The following TRDN variants were observed in gnomAD, a reference collection of about 807,000 sequenced individuals.
TRDN encodes the protein triadin.
TRDN carries 161 observed loss-of-function variants against 149.7 expected under a neutral mutation model. The observed-to-expected ratio is 1.08, with a 90% confidence interval of 0.95 to 1.23. The LOEUF (loss-of-function observed/expected upper bound fraction) is 1.23, where lower values mean the gene tolerates loss of function less well. Ranked by LOEUF, TRDN falls within the 50% of genes most tolerant of loss-of-function variation. The pLI is 0.00. For synonymous variants in TRDN, 294 were observed against 250.5 expected, an observed-to-expected ratio of 1.17 and a Z score of -1.64; for missense variants, 896 against 823.5, an observed-to-expected ratio of 1.09 and a Z score of -1.08.
chr6:123,476,876 G>T (rs1357608998), intron 9 of TRDN, among the ~76,000 whole-genome samples: 1 of 151,844 alleles, frequency 6.6e-6, no homozygotes, highest in Non-Finnish European at 1.5e-5. Context: ...GCTGAAACTG[G>T]ATGCCTTCCT....
intron 16 of TRDN, 52 bp downstream of exon 16, chr6:123,381,318 A>G: frequency 6.6e-7 from 1 of 1,512,792 alleles, no homozygotes; most frequent in Non-Finnish European, 9.0e-7. Flanking sequence ...CAGCAGGCAA[A>G]TAATAGTAGT....
intron 10 of TRDN, chr6:123,439,499 C>CAA (rs1205583652): frequency 6.6e-6 from 1 of 152,356 alleles, no homozygotes; most frequent in Non-Finnish European, 1.5e-5. Flanking sequence ...TGCCAACAGG[C>CAA]ATTTAAGCCT....
At chr6:123,305,097 A>G (rs1181030192) in intron 24 of TRDN, among the ~76,000 whole-genome samples, 1 of 152,200 alleles carries the variant, frequency 6.6e-6, no homozygotes, top group Admixed American at 6.6e-5. Context: ...AACATTGCTT[A>G]TACTACCAAG....
chr6:123,588,330 C>G (rs1783609704), intron 1 of TRDN, among the ~76,000 whole-genome samples: 1 of 152,136 alleles, frequency 6.6e-6, no homozygotes, highest in Non-Finnish European at 1.5e-5. Context: ...TACAAAGAGT[C>G]TGTTTCGCAA....
intron 1 of TRDN, among the ~76,000 whole-genome samples, chr6:123,592,500 C>G (rs955148753): frequency 6.6e-6 from 1 of 152,124 alleles, no homozygotes; most frequent in African/African-American, 2.4e-5. Flanking sequence ...AGGGTGGACT[C>G]TAGGCATTGG....
chr6:123,259,693 C>A, intron 34 of TRDN, 31 bp from the exon 35 acceptor site: 1 of 1,431,246 alleles, frequency 7.0e-7, no homozygotes, highest in South Asian at 1.3e-5. Flanking sequence ...AAGAAACCAT[C>A]ATTTTAAAAA....
At chr6:123,230,628 T>G (rs1429669060) in intron 38 of TRDN, among the ~76,000 whole-genome samples, 1 of 151,908 alleles carries the variant, frequency 6.6e-6, no homozygotes, top group African/African-American at 2.4e-5. Flanking sequence ...TATCATATAT[T>G]TGCAAAACAA....
intron 1 of TRDN, among the ~76,000 whole-genome samples, chr6:123,623,172 C>CT (rs968869645): frequency 5.4e-4 from 81 of 151,386 alleles, no homozygotes; most frequent in African/African-American, 1.7e-3. Flanking sequence ...AGGTTATTGT[C>CT]TTTTTTTTTC....
chr6:123,523,618 A>G (rs867517187), intron 5 of TRDN, among the ~76,000 whole-genome samples: 3 of 152,146 alleles, frequency 2.0e-5, no homozygotes, highest in Admixed American at 6.6e-5. Flanking sequence ...TTGAGAGATG[A>G]TTGTGGAGAA....
chr6:123,310,130 G>T (rs1050116873), intron 24 of TRDN, among the ~76,000 whole-genome samples: 2 of 151,934 alleles, frequency 1.3e-5, no homozygotes, highest in Non-Finnish European at 2.9e-5. Flanking sequence ...CCAGTAAATC[G>T]CATATTTCAG....
intron 12 of TRDN, among the ~76,000 whole-genome samples, chr6:123,433,532 A>C (rs899625787): frequency 1.3e-5 from 2 of 152,072 alleles, no homozygotes; most frequent in African/African-American, 2.4e-5. Context: ...AGATGCATGC[A>C]TGCATGAATG....
intron 33 of TRDN, among the ~76,000 whole-genome samples, chr6:123,264,092 C>G (rs968210461): frequency 6.6e-6 from 1 of 151,948 alleles, no homozygotes; most frequent in Non-Finnish European, 1.5e-5. Context: ...GCCCGTGGGA[C>G]TAAAGAGTAA....
chr6:123,253,832 A>G (rs1185177068), intron 37 of TRDN, among the ~76,000 whole-genome samples: 1 of 152,008 alleles, frequency 6.6e-6, no homozygotes, highest in Non-Finnish European at 1.5e-5. Flanking sequence ...CTAGTAGATC[A>G]CTCCCTTGGG....
intron 20 of TRDN, among the ~76,000 whole-genome samples, chr6:123,357,245 C>T (rs1271884664): frequency 6.6e-6 from 1 of 151,784 alleles, no homozygotes; most frequent in Non-Finnish European, 1.5e-5. Flanking sequence ...TTAATATAGA[C>T]TTGTTTTGTA....
intron 4 of TRDN, among the ~76,000 whole-genome samples, chr6:123,543,728 G>A (rs989001551): frequency 2.6e-5 from 4 of 151,992 alleles, no homozygotes; most frequent in Non-Finnish European, 5.9e-5. Context: ...AAATAAAGTT[G>A]CCATATCCCT....
intron 10 of TRDN, among the ~76,000 whole-genome samples, chr6:123,447,235 G>A (rs372598915): frequency 6.6e-5 from 10 of 152,174 alleles, no homozygotes; most frequent in South Asian, 4.1e-4. Flanking sequence ...GTGACTACCC[G>A]AGACCTTTAG....
At chr6:123,498,761 G>A in intron 8 of TRDN, 1 of 367,442 alleles carries the variant, frequency 2.7e-6, no homozygotes, top group Admixed American at 3.5e-5. Context: ...GACAAAGCAA[G>A]ATGAAAAAGT....
chr6:123,585,777 G>A (rs1783447180), intron 1 of TRDN, among the ~76,000 whole-genome samples: 3 of 152,050 alleles, frequency 2.0e-5, no homozygotes, highest in African/African-American at 7.2e-5. Context: ...AGGAGGTTCT[G>A]GAGGAACGCC....
At chr6:123,415,564 T>G (rs1773615627) in intron 12 of TRDN, among the ~76,000 whole-genome samples, 1 of 152,192 alleles carries the variant, frequency 6.6e-6, no homozygotes, top group Non-Finnish European at 1.5e-5. Context: ...ATATGTAAAT[T>G]TATATTTATT....
Sources: allele counts gnomAD v4.1 joint callset (sites outside exome capture counted in the v4.1 genomes callset), GRCh38; gene constraint gnomAD v4.1.1; transcripts MANE v1.5; gene names NCBI Gene and HGNC (gene_info 2026-07-23, HGNC 2026-07-21).